Variants in SLC8A3 observed in about 807,000 individuals in gnomAD.
The protein encoded by SLC8A3 is solute carrier family 8 member A3, also known as sodium/calcium exchanger 3.
In SLC8A3, 37 loss-of-function variants were observed where a neutral mutation model predicts 65.4. The observed-to-expected ratio is 0.57, with a 90% CI of 0.44 to 0.74. The LOEUF is 0.74. Ranked by LOEUF, SLC8A3 falls within the 30% of genes least tolerant of loss-of-function variation. The probability of loss-of-function intolerance (pLI) is 0.00; values close to 1 mark genes in which losing one functional copy is unlikely to be tolerated. For missense variants in SLC8A3, 1,112 were observed against 1,172.1 expected (o/e 0.95, Z 0.75); for synonymous variants, 461 against 444.5 (o/e 1.04, Z -0.47).
chr14:70,108,255 T>C lies in SLC8A3; in HGVS notation c.1785-47316A>G, dbSNP rs1043473247. ...TCATTTGCAAAATCCAACTGAAGGTTGTGGATTAAGAAAAAGGGCCTGTAG... is the reference window on the plus strand; with the variant it reads ...TCATTTGCAAAATCCAACTGAAGGTCGTGGATTAAGAAAAAGGGCCTGTAG... On this transcript the variant is annotated intron_variant, in intron 2 of 6. Coordinates refer to ENST00000356921, the MANE Select transcript of SLC8A3 (RefSeq NM_182932.3). Among the ~76,000 whole-genome samples the C allele has an allele frequency of 3.9e-5, 6 of 152,018 alleles. No homozygotes were observed. In the East Asian group the frequency reaches 9.7e-4, roughly 24 times the overall value.
At chr14:70,142,503 T>C (rs1281112772) in intron 2 of SLC8A3, among the ~76,000 whole-genome samples, 1 of 152,260 alleles carries the variant, frequency 6.6e-6, no homozygotes, top group African/African-American at 2.4e-5. Flanking sequence ...TAAGACTGCA[T>C]TCTTGGTCCC....
chr14:70,186,042 G>A (rs1883181726), intron 1 of SLC8A3, among the ~76,000 whole-genome samples: 1 of 152,168 alleles, frequency 6.6e-6, no homozygotes, highest in Non-Finnish European at 1.5e-5. Context: ...ATCTTGAATT[G>A]TAGTTCCTAT....
chr14:70,090,527 A>G (rs2140055933), intron 2 of SLC8A3, among the ~76,000 whole-genome samples: 1 of 152,314 alleles, frequency 6.6e-6, no homozygotes, highest in South Asian at 2.1e-4. Context: ...GTAAAGTCAC[A>G]ATTATCTTTC....
chr14:70,173,657 C>T (rs1447428732), intron 1 of SLC8A3, among the ~76,000 whole-genome samples: 3 of 152,212 alleles, frequency 2.0e-5, no homozygotes, highest in Non-Finnish European at 4.4e-5. Flanking sequence ...GCTTCTAAAT[C>T]TGGGCCCCTG....
Position 70,165,512 on chromosome 14 carries a change from C to T in SLC8A3, c.1784+1127G>A, listed in dbSNP as rs140611082. ...CTTCCTATATGCTCCTTTTACTCTT[C>T]ACACCATCTCCTGCCACGCTTATTA... On this transcript the variant is annotated intron_variant, in intron 2 of 6. Transcript: ENST00000356921. Among the ~76,000 whole-genome samples the T allele has an allele frequency of 2.6e-3, 392 of 152,326 alleles. 4 individuals carry two copies. The highest frequency in any genetic ancestry group is 9.1e-3 in the African/African-American group (380 of 41,576).
intron 2 of SLC8A3, among the ~76,000 whole-genome samples, chr14:70,096,746 C>T (rs1892206123): frequency 6.6e-6 from 1 of 152,170 alleles, no homozygotes; most frequent in African/African-American, 2.4e-5. Flanking sequence ...CTAAACACAA[C>T]AGAGAATGCA....
chr14:70,126,568 TCTCACA>T (rs60936129), intron 2 of SLC8A3, among the ~76,000 whole-genome samples: 17,126 of 121,536 alleles, frequency 0.14, 1,032 homozygotes, highest in East Asian at 0.3. Context: ...TCTCTCTCTC[TCTCACA>T]CACACACACA....
intron 2 of SLC8A3, among the ~76,000 whole-genome samples, chr14:70,141,508 T>A (rs981082577): frequency 6.6e-6 from 1 of 152,236 alleles, no homozygotes; most frequent in Admixed American, 6.5e-5. Context: ...CCTCTGGCTT[T>A]GGAGCTTAGT....
chr14:70,131,151 G>A (rs1490940455), intron 2 of SLC8A3, among the ~76,000 whole-genome samples: 1 of 152,180 alleles, frequency 6.6e-6, no homozygotes, highest in Admixed American at 6.5e-5. Context: ...ATGGGAGAAA[G>A]AGACTCCAAG....
At chr14:70,076,080 C>T (rs1403642670) in intron 2 of SLC8A3, among the ~76,000 whole-genome samples, 1 of 152,202 alleles carries the variant, frequency 6.6e-6, no homozygotes, top group Non-Finnish European at 1.5e-5. Context: ...TTCCACCACC[C>T]ACTCGGCCTG....
intron 3 of SLC8A3, among the ~76,000 whole-genome samples, chr14:70,058,376 G>A (rs999019190): frequency 6.6e-6 from 1 of 152,144 alleles, no homozygotes; most frequent in Non-Finnish European, 1.5e-5. Context: ...GTCAAAATAC[G>A]GGAAGTACTG....
intron 6 of SLC8A3, chr14:70,048,554 C>T (rs1887061184): frequency 1.5e-6 from 1 of 663,312 alleles, no homozygotes. Flanking sequence ...GCTGAACACA[C>T]ATGGTGTCTG....
chr14:70,139,730 G>A (rs995114623), intron 2 of SLC8A3, among the ~76,000 whole-genome samples: 26 of 152,196 alleles, frequency 1.7e-4, no homozygotes, highest in African/African-American at 5.8e-4. Flanking sequence ...GAACAAACAA[G>A]GTGATGCCCC....
At chr14:70,076,627 C>G (rs1890543891) in intron 2 of SLC8A3, among the ~76,000 whole-genome samples, 1 of 152,172 alleles carries the variant, frequency 6.6e-6, no homozygotes, top group South Asian at 2.1e-4. Context: ...CTCCCGAGCA[C>G]TATTATTGGG....
intron 2 of SLC8A3, among the ~76,000 whole-genome samples, chr14:70,092,792 T>G (rs564976013): frequency 1.3e-5 from 2 of 152,356 alleles, no homozygotes; most frequent in East Asian, 3.9e-4. Context: ...TTTGCATTCC[T>G]GGTTTTCATC....
intron 2 of SLC8A3, among the ~76,000 whole-genome samples, chr14:70,100,014 G>A (rs1447586055): frequency 6.6e-6 from 1 of 152,204 alleles, no homozygotes; most frequent in East Asian, 1.9e-4. Context: ...GCAGAAAGGT[G>A]GCAAAGAACA....
chr14:70,168,228 C>A lies in SLC8A3; in HGVS notation c.195G>T (p.Pro65=). The A allele has an allele frequency of 6.2e-7, 1 of 1,614,130 alleles. No homozygotes were observed. Among genetic ancestry groups the A allele is most frequent in the East Asian group, 2.2e-5 (1 of 44,872 alleles). Residue 65 remains proline (P), a synonymous_variant, in exon 2 of 7, where the codon CCG becomes CCT. Coordinates refer to ENST00000356921, the MANE Select transcript of SLC8A3 (RefSeq NM_182932.3). ...KEGVILPIWY[P]ENPSLGDKIA... is the part of the protein sequence containing the mutation. ...TCTTGTCCCCAAGGGAAGGGTTCTCCGGGTACCAGATTGGCAGGATGACAC... is the reference window on the plus strand; with the variant it reads ...TCTTGTCCCCAAGGGAAGGGTTCTCAGGGTACCAGATTGGCAGGATGACAC...
At chr14:70,118,921 G>A (rs1313032905) in intron 2 of SLC8A3, among the ~76,000 whole-genome samples, 1 of 152,152 alleles carries the variant, frequency 6.6e-6, no homozygotes, top group East Asian at 1.9e-4. Context: ...GTTCTTTCAT[G>A]AAATACTTGG....
intron 3 of SLC8A3, among the ~76,000 whole-genome samples, chr14:70,054,521 G>C (rs1229345030): frequency 6.6e-6 from 1 of 151,868 alleles, no homozygotes; most frequent in Non-Finnish European, 1.5e-5. Flanking sequence ...GAGGGGGGGC[G>C]GGTGGAGGAA....
Sources: gnomAD v4.1 joint callset for allele counts (sites outside exome capture counted in the v4.1 genomes callset) on GRCh38, gnomAD v4.1.1 for gene constraint, MANE v1.5 for transcripts, NCBI Gene and HGNC (gene_info 2026-07-23, HGNC 2026-07-21) for gene names.